AUH: variants seen among roughly 807,000 people sequenced by gnomAD.
AUH encodes methylglutaconyl-CoA hydratase, mitochondrial.
A neutral mutation model predicts 42.3 loss-of-function variants in AUH; 29 were observed. That is an observed-to-expected ratio of 0.69 (90% CI 0.51 to 0.93). AUH has a LOEUF of 0.93. Among genes scored for constraint, AUH ranks in the 40% least tolerant of loss-of-function variants. The pLI is 0.00. For missense variants in AUH, 452 were observed against 438.1 expected (o/e 1.03, Z -0.28); for synonymous variants, 174 against 166.4 (o/e 1.05, Z -0.35).
chr9:91,311,972 T>C (rs1423112709), intron 4 of AUH, among the ~76,000 whole-genome samples: 1 of 152,154 alleles, frequency 6.6e-6, no homozygotes, highest in Non-Finnish European at 1.5e-5. Context: ...AAATTCACCA[T>C]TTCCTTTGAA....
intron 4 of AUH, among the ~76,000 whole-genome samples, chr9:91,315,781 A>AT (rs1293704828): frequency 6.6e-6 from 1 of 151,928 alleles, no homozygotes; most frequent in Non-Finnish European, 1.5e-5. Flanking sequence ...GTCAGAACTA[A>AT]CACCTGTCTG....
chr9:91,359,898 C>A (rs1292465636), intron 1 of AUH, among the ~76,000 whole-genome samples: 2 of 152,100 alleles, frequency 1.3e-5, no homozygotes, highest in African/African-American at 2.4e-5. Flanking sequence ...CAAAGCAAAG[C>A]CTAGGTAATG....
intron 6 of AUH, among the ~76,000 whole-genome samples, chr9:91,233,747 G>A (rs1472549578): frequency 1.3e-5 from 2 of 152,232 alleles, no homozygotes; most frequent in Non-Finnish European, 2.9e-5. Flanking sequence ...AGGCTGGACA[G>A]GCAGTTGAAC....
intron 6 of AUH, among the ~76,000 whole-genome samples, chr9:91,226,371 G>C (rs370207384): frequency 7.7e-6 from 1 of 130,632 alleles, no homozygotes; most frequent in African/African-American, 2.8e-5. Flanking sequence ...GTCTGTTCAT[G>C]TCCTTTGCCC....
At chr9:91,353,995 C>T (rs2132068629) in intron 3 of AUH, among the ~76,000 whole-genome samples, 1 of 151,232 alleles carries the variant, frequency 6.6e-6, no homozygotes, top group East Asian at 2.0e-4. Context: ...GTTGAAACCC[C>T]GTCTCTAGCA....
intron 1 of AUH, chr9:91,360,485 A>G (rs1471295370): frequency 1.3e-5 from 2 of 152,228 alleles, no homozygotes; most frequent in African/African-American, 4.8e-5. Flanking sequence ...ACACTCCTGA[A>G]GCACTGCTAC....
chr9:91,277,731 T>C (rs140140342), intron 6 of AUH, among the ~76,000 whole-genome samples: 30 of 152,314 alleles, frequency 2.0e-4, no homozygotes, highest in African/African-American at 6.3e-4. Context: ...ACAACTACTT[T>C]TAAGAAATCC....
At chr9:91,327,008 C>T (rs915025675) in intron 3 of AUH, among the ~76,000 whole-genome samples, 2 of 152,100 alleles carry the variant, frequency 1.3e-5, no homozygotes, top group Admixed American at 6.5e-5. Context: ...GCCCAGCAAT[C>T]CTACTGTATT....
intron 4 of AUH, among the ~76,000 whole-genome samples, chr9:91,318,819 T>A (rs1829355639): frequency 6.6e-6 from 1 of 152,200 alleles, no homozygotes; most frequent in South Asian, 2.1e-4. Context: ...ACCCCTGCAC[T>A]CTCCAGAAAT....
chr9:91,314,033 A>T (rs975515837), intron 4 of AUH, among the ~76,000 whole-genome samples: 2 of 152,016 alleles, frequency 1.3e-5, no homozygotes, highest in African/African-American at 4.8e-5. Context: ...CATGTTGGCA[A>T]GGCTGGTCTC....
intron 6 of AUH, among the ~76,000 whole-genome samples, chr9:91,295,499 T>A (rs1024203030): frequency 3.3e-5 from 5 of 152,154 alleles, no homozygotes; most frequent in African/African-American, 1.2e-4. Flanking sequence ...GAGAAATCTC[T>A]TGTGAAAGGA....
intron 1 of AUH, 112 bp from the exon 2 acceptor site, chr9:91,356,267 T>A: frequency 1.2e-6 from 1 of 856,484 alleles, no homozygotes; most frequent in Non-Finnish European, 1.9e-6. Context: ...AAGAAATTCA[T>A]GACATCACGT....
intron 3 of AUH, among the ~76,000 whole-genome samples, chr9:91,336,052 C>A (rs1830663080): frequency 6.6e-6 from 1 of 152,086 alleles, no homozygotes; most frequent in Admixed American, 6.5e-5. Flanking sequence ...CAGCTGGGGC[C>A]AATGGACTCC....
chr9:91,327,228 A>G (rs1489067805), intron 3 of AUH, among the ~76,000 whole-genome samples: 1 of 152,196 alleles, frequency 6.6e-6, no homozygotes, highest in Non-Finnish European at 1.5e-5. Context: ...AGAGTGACAG[A>G]AGACAGACAA....
At chr9:91,260,188 C>T (rs765611863) in intron 6 of AUH, among the ~76,000 whole-genome samples, 6 of 152,012 alleles carry the variant, frequency 3.9e-5, no homozygotes, top group Non-Finnish European at 8.8e-5. Context: ...GGCATATCTC[C>T]TTCTATCCTT....
chr9:91,239,156 GT>G (rs35479845), intron 6 of AUH, among the ~76,000 whole-genome samples: 71 of 145,542 alleles, frequency 4.9e-4, no homozygotes, highest in Non-Finnish European at 4.5e-4. Flanking sequence ...TTTTTGTTCT[GT>G]TTTTTTTTTT....
intron 6 of AUH, among the ~76,000 whole-genome samples, chr9:91,269,221 C>T (rs900592740): frequency 1.4e-4 from 22 of 152,090 alleles, no homozygotes; most frequent in Admixed American, 2.0e-4. Flanking sequence ...CCTCGTGATC[C>T]GCCTGCCTCA....
intron 6 of AUH, among the ~76,000 whole-genome samples, chr9:91,233,749 CAGT>C (rs1160627820): frequency 6.6e-6 from 1 of 152,176 alleles, no homozygotes; most frequent in Non-Finnish European, 1.5e-5. Context: ...GCTGGACAGG[CAGT>C]TGAACAGACA....
intron 6 of AUH, among the ~76,000 whole-genome samples, chr9:91,259,665 C>T (rs774541873): frequency 1.3e-5 from 2 of 152,080 alleles, no homozygotes; most frequent in African/African-American, 2.4e-5. Context: ...TCAAATTGCT[C>T]TTGTGATTTC....
Sources: allele counts gnomAD v4.1 joint callset (sites outside exome capture counted in the v4.1 genomes callset), GRCh38; gene constraint gnomAD v4.1.1; transcripts MANE v1.5; gene names NCBI Gene and HGNC (gene_info 2026-07-23, HGNC 2026-07-21).